The following PLXDC2 variants were observed in gnomAD, a reference collection of about 807,000 sequenced individuals.
The protein encoded by PLXDC2 is plexin domain-containing protein 2.
Under a neutral mutation model 68.9 loss-of-function variants are expected in PLXDC2, and 40 were observed. The ratio of observed to expected loss-of-function variants is 0.58; its 90% CI spans 0.45 to 0.76. The LOEUF (loss-of-function observed/expected upper bound fraction) is 0.76. Among genes scored for constraint, PLXDC2 ranks in the 30% least tolerant of loss-of-function variants. The pLI is 0.00. For missense variants in PLXDC2, 644 were observed against 661.9 expected, an observed-to-expected ratio of 0.97 and a Z score of 0.30; for synonymous variants, 243 against 234.2, an observed-to-expected ratio of 1.04 and a Z score of -0.34.
intron 4 of PLXDC2, among the ~76,000 whole-genome samples, chr10:20,124,336 T>A (rs982208200): frequency 6.6e-6 from 1 of 151,928 alleles, no homozygotes; most frequent in East Asian, 1.9e-4. Context: ...GAGAAAGTGG[T>A]TGAGGGACAG....
At chr10:20,230,485 C>G (rs1258595050) in intron 12 of PLXDC2, among the ~76,000 whole-genome samples, 2 of 151,720 alleles carry the variant, frequency 1.3e-5, no homozygotes, top group African/African-American at 2.4e-5. Flanking sequence ...GCCTGGGCAC[C>G]ATGGTGAAAC....
intron 1 of PLXDC2, among the ~76,000 whole-genome samples, chr10:19,825,692 G>T (rs1836557594): frequency 6.6e-6 from 1 of 152,164 alleles, no homozygotes; most frequent in African/African-American, 2.4e-5. Flanking sequence ...ATCATTTAGA[G>T]CATGAAATGT....
chr10:20,282,082 A>T lies in PLXDC2; in HGVS notation c.*2263A>T, dbSNP rs1210202610. 1 of 152,176 alleles carries T rather than the reference A, an allele frequency of 6.6e-6. No homozygotes were observed. Among genetic ancestry groups the T allele is most frequent in the Non-Finnish European group, 1.5e-5 (1 of 68,024 alleles). 9.4% of individuals were successfully genotyped at this position (152,176 alleles called of 1,614,324 possible). A position where few individuals can be genotyped will look rare whatever the true frequency, so the allele number is the denominator to read the frequency against. On this transcript the variant is annotated 3_prime_UTR_variant, in exon 14 of 14. Coordinates refer to ENST00000377252, the MANE Select transcript of PLXDC2 (RefSeq NM_032812.9). ...TCAATTTTCTATTTTGATTCAAAAC[A>T]ATTGATAATTCTGTAAAAAAACATA...
chr10:20,163,800 T>A (rs1564338618), intron 6 of PLXDC2, among the ~76,000 whole-genome samples: 1 of 152,160 alleles, frequency 6.6e-6, no homozygotes, highest in Non-Finnish European at 1.5e-5. Flanking sequence ...ATTTTTTAAC[T>A]GTAAATATTA....
intron 7 of PLXDC2, among the ~76,000 whole-genome samples, chr10:20,175,896 C>T (rs376093928): frequency 6.6e-6 from 1 of 152,118 alleles, no homozygotes; most frequent in Non-Finnish European, 1.5e-5. Flanking sequence ...GAAATGCATT[C>T]TTATCAGTAC....
At chr10:20,092,952 G>T (rs759818853) in intron 4 of PLXDC2, among the ~76,000 whole-genome samples, 49 of 152,262 alleles carry the variant, frequency 3.2e-4, no homozygotes, top group African/African-American at 8.4e-4. Context: ...GTCCATCCTT[G>T]TTGGCACCTT....
chr10:20,168,341 G>A (rs1650641202), intron 7 of PLXDC2, among the ~76,000 whole-genome samples: 1 of 152,122 alleles, frequency 6.6e-6, no homozygotes, highest in Non-Finnish European at 1.5e-5. Flanking sequence ...CTAGCAGAGA[G>A]TAAGTAGTAC....
chr10:20,031,619 G>A (rs1835502142), intron 2 of PLXDC2, among the ~76,000 whole-genome samples: 1 of 152,038 alleles, frequency 6.6e-6, no homozygotes, highest in Admixed American at 6.5e-5. Flanking sequence ...TTGGTGAGGT[G>A]CCCTGGGCTG....
At chr10:19,994,253 CTTTTTTTTTT>C (rs528321973) in intron 1 of PLXDC2, among the ~76,000 whole-genome samples, 13 of 87,488 alleles carry the variant, frequency 1.5e-4, no homozygotes, top group Middle Eastern at 9.4e-3. Context: ...TTGTATTCTC[CTTTTTTTTTT>C]TTTTTTTTTT....
intron 5 of PLXDC2, 114 bp downstream of exon 5, chr10:20,143,531 G>A (rs1834034073): frequency 7.6e-7 from 1 of 1,319,436 alleles, no homozygotes. Flanking sequence ...ACTGCTTGAT[G>A]CAAATGGTCT....
At chr10:19,997,229 C>T (rs2131634038) in intron 1 of PLXDC2, among the ~76,000 whole-genome samples, 1 of 152,314 alleles carries the variant, frequency 6.6e-6, no homozygotes, top group East Asian at 1.9e-4. Context: ...AGTTTATCGA[C>T]ATACCTAAAG....
chr10:20,117,336 T>G (rs990833749), intron 4 of PLXDC2, among the ~76,000 whole-genome samples: 8 of 152,186 alleles, frequency 5.3e-5, no homozygotes, highest in African/African-American at 1.9e-4. Flanking sequence ...AGAAATGAAT[T>G]CCTCTCAAAC....
At position 19,947,156 on chromosome 10, in the gene PLXDC2, ACAG is replaced by A. The variant is rs559267651; in HGVS notation, c.113-54616_113-54614del. On this transcript the variant is annotated intron_variant, in intron 1 of 13. Transcript: ENST00000377252. Reference sequence around the variant, plus strand: ...CCTATAGAAGCTAAAAAAAGCAAAGACAGCAACAACAAAAAATTGAATTATTCC... The same window carrying A: ...CCTATAGAAGCTAAAAAAAGCAAAGACAACAACAAAAAATTGAATTATTCC... Among the ~76,000 whole-genome samples the A allele has an allele frequency of 5.8e-4, 88 of 152,298 alleles. 1 individual carries two copies. Among genetic ancestry groups the A allele is most frequent in the African/African-American group, 2.0e-3 (82 of 41,562 alleles).
chr10:19,845,413 T>C (rs765167199), intron 1 of PLXDC2, among the ~76,000 whole-genome samples: 3 of 152,024 alleles, frequency 2.0e-5, no homozygotes, highest in Admixed American at 6.5e-5. Context: ...TTCCTTGGGA[T>C]CTTTGAAAAC....
chr10:20,189,476 C>CATACATATATATATATAT (rs1834731243), intron 9 of PLXDC2, among the ~76,000 whole-genome samples: 1 of 75,808 alleles, frequency 1.3e-5, no homozygotes, highest in Non-Finnish European at 2.5e-5. Context: ...AAAGGTAGGC[C>CATACATATATATATATAT]ATATATATAT....
chr10:20,126,135 ATG>A (rs914493497), intron 4 of PLXDC2, among the ~76,000 whole-genome samples: 1 of 147,550 alleles, frequency 6.8e-6, no homozygotes, highest in Non-Finnish European at 1.5e-5. Flanking sequence ...TATGTTATAT[ATG>A]TGTATATATA....
In PLXDC2 at chr10:20,096,814, C is replaced by T. The variant is rs567729633; in HGVS notation, c.541+28575C>T. On this transcript the variant is annotated intron_variant, in intron 4 of 13. Transcript: ENST00000377252. ...GATTTATAGATGCATGTGTTTAGGA[C>T]AGAAGCTAGGCAAGAAAGTGTTAAT... 2.0e-5 allele frequency among the ~76,000 whole-genome samples: 3 copies of T among 152,124 alleles called. No homozygotes were observed. The South Asian group carries it at 6.2e-4, about 32-fold the overall frequency.
intron 4 of PLXDC2, among the ~76,000 whole-genome samples, chr10:20,118,546 T>G (rs1833652637): frequency 6.6e-6 from 1 of 152,216 alleles, no homozygotes; most frequent in South Asian, 2.1e-4. Flanking sequence ...GGAGCGGCAC[T>G]GCACAAAAGT....
Position 20,282,966 on chromosome 10 carries a change from T to C in PLXDC2, c.*3147T>C, listed in dbSNP as rs1836101299. The C allele has an allele frequency of 6.6e-6, 1 of 152,188 alleles. No individual in the cohort carries two copies. Among genetic ancestry groups the C allele is most frequent in the Admixed American group, 6.5e-5 (1 of 15,272 alleles). 9.4% of individuals were successfully genotyped at this position (152,188 alleles called of 1,614,324 possible). A position where few individuals can be genotyped will look rare whatever the true frequency, so the allele number is the denominator to read the frequency against. ...AAATTAATTAAAATTAAATTAAAAA[T>C]GTAATTCTTCAGTCACACCAGCCAC... On this transcript the variant is annotated 3_prime_UTR_variant, in exon 14 of 14. Transcript: ENST00000377252.
Sources: allele counts gnomAD v4.1 joint callset (sites outside exome capture counted in the v4.1 genomes callset), GRCh38; gene constraint gnomAD v4.1.1; transcripts MANE v1.5; gene names NCBI Gene and HGNC (gene_info 2026-07-23, HGNC 2026-07-21).